BIN2: variants seen among roughly 807,000 people sequenced by gnomAD.
BIN2 encodes the protein bridging integrator 2.
In BIN2, 43 loss-of-function variants were observed where a neutral mutation model predicts 67.9. The ratio of observed to expected loss-of-function variants is 0.63; its 90% CI spans 0.50 to 0.82. The LOEUF is 0.82. Ranked by LOEUF, BIN2 falls within the 40% of genes least tolerant of loss-of-function variation. The pLI is 0.00. For missense variants in BIN2, 581 were observed against 671.6 expected (o/e 0.87, Z 1.49); for synonymous variants, 244 against 246.8 (o/e 0.99, Z 0.11).
intron 11 of BIN2, among the ~76,000 whole-genome samples, chr12:51,285,622 C>T (rs1389996214): frequency 2.6e-5 from 3 of 115,886 alleles, no homozygotes; most frequent in African/African-American, 8.8e-5. Context: ...TTTTTTCTTT[C>T]TTTCTTTTTT....
chr12:51,313,971 G>A (rs1308688895), intron 1 of BIN2, 68 bp from the exon 2 acceptor site: 5 of 1,200,264 alleles, frequency 4.2e-6, no homozygotes, highest in Non-Finnish European at 6.1e-6. Context: ...GGCCTCATAT[G>A]ACCCTGGCTT....
intron 6 of BIN2, 72 bp downstream of exon 6, chr12:51,299,535 C>T: frequency 2.1e-6 from 3 of 1,424,714 alleles, no homozygotes; most frequent in Non-Finnish European, 2.0e-6. Flanking sequence ...GTTGGCCCAG[C>T]CACCTGCTAC....
intron 5 of BIN2, among the ~76,000 whole-genome samples, chr12:51,300,388 A>G (rs1945691207): frequency 6.6e-6 from 1 of 152,186 alleles, no homozygotes; most frequent in South Asian, 2.1e-4. Context: ...TGGCCTTGAG[A>G]ATCACATGAA....
At chr12:51,303,840 T>A (rs571551278) in intron 2 of BIN2, among the ~76,000 whole-genome samples, 1 of 152,356 alleles carries the variant, frequency 6.6e-6, no homozygotes, top group South Asian at 2.1e-4. Flanking sequence ...GAACTGCTTT[T>A]GTTATAACTC....
rs1473659219 is a variant in BIN2, at chr12:51,295,820, A to G, written c.737T>C (p.Val246Ala). 1 of 1,613,030 alleles carries G rather than the reference A, an allele frequency of 6.2e-7. No homozygotes were observed. Among genetic ancestry groups the G allele is most frequent in the East Asian group, 2.2e-5 (1 of 44,836 alleles). ...SKLEKQHSNK[V>A]FVVKGLSSSS... is the part of the protein sequence containing the mutation. ...CCTTGACAGTCCCTTCACCACAAAG[A>G]CTTTATTGGAATGTTGCTTCTCCAG... The change falls in exon 9 of 13, where the codon GTC becomes GCC. Residue 246 changes from valine to alanine, a missense_variant. By Grantham distance (64) the Val-to-Ala change is moderately conservative. Transcript: ENST00000615107.
chr12:51,311,351 G>T (rs1415321611), intron 2 of BIN2, among the ~76,000 whole-genome samples: 2 of 151,748 alleles, frequency 1.3e-5, no homozygotes, highest in African/African-American at 2.4e-5. Flanking sequence ...TGTACTTTCT[G>T]ATTTGTTGTA....
At chr12:51,290,678 A>G (rs921335249) in intron 10 of BIN2, among the ~76,000 whole-genome samples, 3 of 151,972 alleles carry the variant, frequency 2.0e-5, no homozygotes, top group African/African-American at 7.2e-5. Context: ...TCACCCCTGT[A>G]ATCCCAGCAC....
Position 51,291,619 on chromosome 12 carries a change from C to G in BIN2, c.1487G>C (p.Cys496Ser). 1 of 1,609,650 alleles carries G rather than the reference C, an allele frequency of 6.2e-7. No individual in the cohort carries two copies. Among genetic ancestry groups the G allele is most frequent in the Admixed American group, 1.7e-5 (1 of 58,650 alleles). The change falls in exon 10 of 13, where the codon TGT (cysteine) becomes TCT (serine). Residue 496 changes from cysteine (C) to serine (S), a missense_variant. Coordinates refer to ENST00000615107, the MANE Select transcript of BIN2 (RefSeq NM_016293.4). ...AGATGTCATTAAGGTGGGGGAAGTA[C>G]AAAGTTCTTCAGGGTTCTGATTGTG... ...NIHNQNPEEL[C>S]TSPTLMTSQV...
At chr12:51,286,238 G>A (rs904612439) in intron 11 of BIN2, among the ~76,000 whole-genome samples, 7 of 152,100 alleles carry the variant, frequency 4.6e-5, no homozygotes, top group Admixed American at 1.3e-4. Context: ...GCATCTGCAA[G>A]GGAAGTGAGC....
chr12:51,287,022 A>G (rs936069588), intron 11 of BIN2, among the ~76,000 whole-genome samples: 4 of 151,770 alleles, frequency 2.6e-5, no homozygotes, highest in African/African-American at 7.3e-5. Context: ...GGTTTTTCCT[A>G]TGTTGCCCAG....
intron 2 of BIN2, among the ~76,000 whole-genome samples, chr12:51,304,653 A>G (rs1945820378): frequency 6.6e-6 from 1 of 152,168 alleles, no homozygotes; most frequent in South Asian, 2.1e-4. Flanking sequence ...ACCATAAAAT[A>G]CTTGTTGTGA....
chr12:51,313,901 C>T lies in BIN2; in HGVS notation c.84G>A (p.Val28=). ...CTACAGCTTTCCCCAATTTCTGCAG[C>T]ACCTAGGGATATAAGTCAGAAAGGC... ...QKKFSRAQEK[V]LQKLGKAVET... is the part of the protein sequence containing the mutation. Residue 28 remains valine (V), a splice_region_variant and synonymous_variant, in exon 2 of 13, where the codon GTG becomes GTA. Coordinates refer to ENST00000615107, the MANE Select transcript of BIN2 (RefSeq NM_016293.4). 6.2e-7 allele frequency: 1 copy of T among 1,613,528 alleles called. No homozygotes were observed. Among genetic ancestry groups the T allele is most frequent in the Non-Finnish European group, 8.5e-7 (1 of 1,179,506 alleles).
intron 12 of BIN2, among the ~76,000 whole-genome samples, chr12:51,283,411 C>A (rs1195105898): frequency 6.6e-6 from 1 of 152,032 alleles, no homozygotes; most frequent in Non-Finnish European, 1.5e-5. Context: ...TCTAGTGGGA[C>A]AAAATGTAAA....
At chr12:51,316,330 A>C in intron 1 of BIN2, among the ~76,000 whole-genome samples, 2 of 98,420 alleles carry the variant, frequency 2.0e-5, no homozygotes, top group Non-Finnish European at 5.5e-5. Flanking sequence ...TAAAAATACA[A>C]AAAAAAAAAA....
Position 51,281,431 on chromosome 12 carries a change from C to G in BIN2, c.*68G>C. ...GATGCTGGCTCTTATATCCCTCTGA[C>G]CTATACCCTCTGGTTGAAGAGCTTC... is the stretch of plus-strand genomic sequence containing the variant. On this transcript the variant is annotated 3_prime_UTR_variant, in exon 13 of 13. Coordinates refer to ENST00000615107, the MANE Select transcript of BIN2 (RefSeq NM_016293.4). 1 of 1,512,664 alleles carries G rather than the reference C, an allele frequency of 6.6e-7. No individual in the cohort carries two copies. Among genetic ancestry groups the G allele is most frequent in the Non-Finnish European group, 9.2e-7 (1 of 1,087,746 alleles). 93.7% of individuals were successfully genotyped at this position (1,512,664 alleles called of 1,614,324 possible).
chr12:51,319,805 C>G (rs1160012388), intron 1 of BIN2, among the ~76,000 whole-genome samples: 1 of 152,096 alleles, frequency 6.6e-6, no homozygotes, highest in Non-Finnish European at 1.5e-5. Context: ...TAGTTCCCTA[C>G]CATTGCCTCT....
chr12:51,323,961 G>A (rs917394603), intron 1 of BIN2, 61 bp downstream of exon 1: 43 of 1,592,054 alleles, frequency 2.7e-5, no homozygotes, highest in Non-Finnish European at 3.3e-5. Flanking sequence ...CTGCCCGGCC[G>A]GGCTCGGCCT....
intron 1 of BIN2, 101 bp from the exon 2 acceptor site, chr12:51,314,004 C>A: frequency 1.5e-6 from 1 of 645,952 alleles, no homozygotes; most frequent in Middle Eastern, 3.1e-4. Context: ...TCACTTACAA[C>A]TCAAGGGCTG....
At position 51,291,900 on chromosome 12, in the gene BIN2, C is replaced by T; in HGVS notation, c.1206G>A (p.Lys402=). The T allele has an allele frequency of 6.2e-7, 1 of 1,614,176 alleles. No individual in the cohort carries two copies. Among genetic ancestry groups the T allele is most frequent in the South Asian group, 1.1e-5 (1 of 91,088 alleles). ...AGGTCCTCTGGATAGAGGCTCTCTT[C>T]TTTGGTTGTTCAGATCCTTCACTTG... ...RTASEGSEQP[K]KRASIQRTSA... is the part of the protein sequence containing the mutation. Residue 402 remains lysine (K), a synonymous_variant, in exon 10 of 13, where the codon AAG becomes AAA. Coordinates refer to ENST00000615107, the MANE Select transcript of BIN2 (RefSeq NM_016293.4).
Sources: gnomAD v4.1 joint callset for allele counts (sites outside exome capture counted in the v4.1 genomes callset) on GRCh38, gnomAD v4.1.1 for gene constraint, MANE v1.5 for transcripts, NCBI Gene and HGNC (gene_info 2026-07-23, HGNC 2026-07-21) for gene names.